The following SH3PXD2B variants were observed in gnomAD, a reference collection of about 807,000 sequenced individuals.
The protein encoded by SH3PXD2B is SH3 and PX domains 2B.
In SH3PXD2B, 37 loss-of-function variants were observed where a neutral mutation model predicts 73.1. The observed-to-expected ratio is 0.51, with a 90% CI of 0.39 to 0.67. The LOEUF (loss-of-function observed/expected upper bound fraction) is 0.67. SH3PXD2B is among the 30% of genes least tolerant of loss of function. The pLI is 0.00. For missense variants in SH3PXD2B, 1,053 were observed against 1,197.8 expected (o/e 0.88, Z 1.78); for synonymous variants, 457 against 480.5 (o/e 0.95, Z 0.64).
At chr5:172,361,752 G>T (rs1757408995) in intron 7 of SH3PXD2B, among the ~76,000 whole-genome samples, 1 of 152,186 alleles carries the variant, frequency 6.6e-6, no homozygotes, top group Non-Finnish European at 1.5e-5. Context: ...CAGCTGTGAA[G>T]CAGGGATGGC....
At chr5:172,358,903 TGTTA>T (rs1757340510) in intron 7 of SH3PXD2B, 26 bp from the exon 8 acceptor site, 1 of 1,605,998 alleles carries the variant, frequency 6.2e-7, no homozygotes, top group African/African-American at 1.3e-5. Flanking sequence ...TGCAGAATGA[TGTTA>T]GTTGCATCAA....
intron 1 of SH3PXD2B, among the ~76,000 whole-genome samples, chr5:172,427,967 G>A (rs898135503): frequency 1.3e-5 from 2 of 151,850 alleles, no homozygotes; most frequent in African/African-American, 4.8e-5. Flanking sequence ...TAGTAGAGAC[G>A]GGGTTTCACT....
chr5:172,341,972 GCA>G (rs752904305), intron 12 of SH3PXD2B, among the ~76,000 whole-genome samples: 3 of 152,076 alleles, frequency 2.0e-5, no homozygotes, highest in Non-Finnish European at 4.4e-5. Flanking sequence ...TTTCTTTATA[GCA>G]ATGCAGGAAT....
At chr5:172,403,461 T>C (rs906203070) in intron 3 of SH3PXD2B, among the ~76,000 whole-genome samples, 1 of 150,294 alleles carries the variant, frequency 6.7e-6, no homozygotes. Context: ...TCAGAAGGGG[T>C]GGTCCGGGGT....
chr5:172,348,684 TATC>T (rs1757076573), intron 10 of SH3PXD2B, among the ~76,000 whole-genome samples: 4 of 40,576 alleles, frequency 9.9e-5, no homozygotes, highest in African/African-American at 2.7e-4. Context: ...TCTATCTATC[TATC>T]TATCTATCTA....
intron 8 of SH3PXD2B, among the ~76,000 whole-genome samples, chr5:172,357,103 A>G (rs1757295547): frequency 8.4e-6 from 1 of 118,522 alleles, no homozygotes; most frequent in African/African-American, 3.3e-5. Context: ...TGAGTAACAG[A>G]GTGAGACCCC....
intron 3 of SH3PXD2B, among the ~76,000 whole-genome samples, chr5:172,402,156 T>A (rs945140286): frequency 6.6e-6 from 1 of 152,122 alleles, no homozygotes; most frequent in African/African-American, 2.4e-5. Context: ...GTATCTGAAA[T>A]GGCCACTCTG....
intron 1 of SH3PXD2B, among the ~76,000 whole-genome samples, chr5:172,423,389 G>A (rs866975211): frequency 1.7e-4 from 26 of 152,264 alleles, no homozygotes; most frequent in South Asian, 4.2e-4. Context: ...AACACAAGGC[G>A]CTCAGTGCTG....
chr5:172,423,633 G>C (rs1180151639), intron 1 of SH3PXD2B, among the ~76,000 whole-genome samples: 1 of 151,916 alleles, frequency 6.6e-6, no homozygotes, highest in Non-Finnish European at 1.5e-5. Context: ...GCCAGTAGGA[G>C]TCTGTCCTGG....
intron 12 of SH3PXD2B, among the ~76,000 whole-genome samples, chr5:172,326,849 G>A (rs568927306): frequency 4.0e-5 from 6 of 150,870 alleles, no homozygotes; most frequent in Admixed American, 6.6e-5. Context: ...CAATGAAAAT[G>A]TCTCAAGATT....
In SH3PXD2B at chr5:172,339,067, A is replaced by C. The variant is rs919807403; in HGVS notation, c.2038T>G (p.Leu680Val). ...LRPAKSQDKSLLDGEGPQAVG... is the reference protein window; with the variant it reads ...LRPAKSQDKSVLDGEGPQAVG... ...GCCTGGGGGCCCTCCCCATCCAACA[A>C]GGACTTGTCTTGGGACTTGGCAGGC... The change falls in exon 13 of 13, where the codon TTG (leucine) becomes GTG (valine). Residue 680 changes from leucine to valine, a missense_variant. Physicochemically the swap from Leu to Val is conservative, Grantham distance 32 (BLOSUM62 1). This residue lies in a region of SH3PXD2B where 587 missense variants were observed against 590.7 expected (regional missense o/e 0.99). Coordinates refer to ENST00000311601, the MANE Select transcript of SH3PXD2B (RefSeq NM_001017995.3). The surrounding 1 kb of genome is among the most constrained non-coding windows in gnomAD (Gnocchi z 6.1). 2.5e-6 allele frequency: 4 copies of C among 1,614,150 alleles called. No individual in the cohort carries two copies. In the African/African-American group the frequency reaches 4.0e-5, roughly 16 times the overall value.
Position 172,358,740 on chromosome 5 carries a change from C to G in SH3PXD2B, c.667+33G>C, listed in dbSNP as rs547275184. 50 of 1,583,230 alleles carry G rather than the reference C, an allele frequency of 3.2e-5. No individual in the cohort carries two copies. The South Asian group carries it at 4.3e-4, about 14-fold the overall frequency. On this transcript the variant is annotated intron_variant, in intron 8 of 12. Transcript: ENST00000311601. ...TATAGGCGATGACTGCACAGGTCCT[C>G]CCCAGTGAGCAGAGGCTCGAGCTCC...
At chr5:172,332,317 G>A (rs1403919025), downstream of SH3PXD2B, among the ~76,000 whole-genome samples, 1 of 149,428 alleles carries the variant, frequency 6.7e-6, no homozygotes, top group African/African-American at 2.5e-5. Flanking sequence ...ATAGTGGTGC[G>A]ATCACAGCTC....
chr5:172,369,190 T>TG (rs1757644650), intron 6 of SH3PXD2B, among the ~76,000 whole-genome samples: 1 of 151,378 alleles, frequency 6.6e-6, no homozygotes, highest in Non-Finnish European at 1.5e-5. Flanking sequence ...CCACCACGCC[T>TG]GGTTGAATGT....
chr5:172,352,571 T>C (rs967033237), intron 9 of SH3PXD2B, among the ~76,000 whole-genome samples: 6 of 152,200 alleles, frequency 3.9e-5, no homozygotes, highest in African/African-American at 1.4e-4. Flanking sequence ...CATCGACATC[T>C]TGACTTGAAT....
chr5:172,415,361 G>A (rs1333354456), intron 2 of SH3PXD2B, among the ~76,000 whole-genome samples: 1 of 152,162 alleles, frequency 6.6e-6, no homozygotes, highest in Non-Finnish European at 1.5e-5. Context: ...TTAAAAAGGG[G>A]CAGCCATAGG....
At chr5:172,350,220 G>A (rs1757127815) in intron 10 of SH3PXD2B, 143 bp downstream of exon 10, 3 of 757,668 alleles carry the variant, frequency 4.0e-6, no homozygotes, top group Non-Finnish European at 2.1e-6. Context: ...GTTACCCGGG[G>A]TTTCTGGGCC....
chr5:172,439,692 G>GCACACACACGCACACA (rs1759504924), intron 1 of SH3PXD2B, among the ~76,000 whole-genome samples: 1 of 138,542 alleles, frequency 7.2e-6, no homozygotes, highest in South Asian at 2.5e-4. Context: ...GCACGCGCGC[G>GCACACACACGCACACA]CACACACACA....
chr5:172,423,746 G>C (rs1262208816), intron 1 of SH3PXD2B, among the ~76,000 whole-genome samples: 1 of 152,138 alleles, frequency 6.6e-6, no homozygotes, highest in Non-Finnish European at 1.5e-5. Flanking sequence ...GGGTTCAAGA[G>C]ATTCTCGTGC....
Sources: gnomAD v4.1 joint callset for allele counts (sites outside exome capture counted in the v4.1 genomes callset) on GRCh38, gnomAD v4.1.1 for gene constraint, gnomAD v4.1.1 regional missense constraint, Gnocchi (gnomAD v3.1) non-coding constraint, MANE v1.5 for transcripts, NCBI Gene and HGNC (gene_info 2026-07-23, HGNC 2026-07-21) for gene names.